Variants in RGS6 observed in about 807,000 individuals in gnomAD.
RGS6 encodes regulator of G protein signaling 6.
Under a neutral mutation model 78.5 loss-of-function variants are expected in RGS6, and 30 were observed. The observed-to-expected ratio is 0.38, with a 90% CI of 0.29 to 0.52. The LOEUF (loss-of-function observed/expected upper bound fraction) is 0.52, where lower values mean the gene tolerates loss of function less well. Ranked by LOEUF, RGS6 falls within the 20% of genes least tolerant of loss-of-function variation. RGS6 has a pLI of 0.85. For missense variants in RGS6, 495 were observed against 609.7 expected, an observed-to-expected ratio of 0.81 and a Z score of 1.98; for synonymous variants, 206 against 206.0, an observed-to-expected ratio of 1.00 and a Z score of 0.00.
intron 2 of RGS6, among the ~76,000 whole-genome samples, chr14:72,215,008 G>A (rs2045211989): frequency 6.6e-6 from 1 of 152,114 alleles, no homozygotes; most frequent in African/African-American, 2.4e-5. Context: ...TCTATTTTCT[G>A]GTCTATGACT....
At chr14:71,901,387 A>G in the RGS6 span, among the ~76,000 whole-genome samples, 1 of 152,210 alleles carries the variant, frequency 6.6e-6, no homozygotes, top group Non-Finnish European at 1.5e-5. Context: ...TAAGCATTTT[A>G]TACAATGCTG....
At chr14:72,479,161 T>C (rs980179907) in intron 12 of RGS6, among the ~76,000 whole-genome samples, 1 of 152,146 alleles carries the variant, frequency 6.6e-6, no homozygotes, top group Non-Finnish European at 1.5e-5. Flanking sequence ...GTGAGAGCCA[T>C]CTATAAGCCT....
At chr14:72,242,761 G>A (rs2153827335) in intron 2 of RGS6, among the ~76,000 whole-genome samples, 1 of 151,612 alleles carries the variant, frequency 6.6e-6, no homozygotes, top group South Asian at 2.1e-4. Context: ...TATGGACAAG[G>A]GTGAATAGTA....
chr14:72,003,269 C>A (rs2083840412), intron 2 of RGS6, among the ~76,000 whole-genome samples: 1 of 152,202 alleles, frequency 6.6e-6, no homozygotes, highest in African/African-American at 2.4e-5. Context: ...ACATACTATA[C>A]AATCCACCCA....
intron 2 of RGS6, among the ~76,000 whole-genome samples, chr14:72,180,085 A>G (rs78934892): frequency 0.01 from 1,572 of 152,308 alleles, 33 homozygotes; most frequent in African/African-American, 0.036. Flanking sequence ...TTAAGAAGGA[A>G]GTTTGAGCCT....
At chr14:72,135,058 A>G (rs1457283200) in intron 2 of RGS6, among the ~76,000 whole-genome samples, 1 of 152,222 alleles carries the variant, frequency 6.6e-6, no homozygotes, top group Non-Finnish European at 1.5e-5. Flanking sequence ...AGTTCAACTG[A>G]CACATAAAAT....
chr14:72,322,266 A>G (rs2072297483), intron 2 of RGS6, among the ~76,000 whole-genome samples: 1 of 152,078 alleles, frequency 6.6e-6, no homozygotes, highest in Admixed American at 6.5e-5. Flanking sequence ...GCTCTTTATG[A>G]AAAATCAATA....
intron 2 of RGS6, among the ~76,000 whole-genome samples, chr14:71,979,073 G>A (rs1478758687): frequency 1.3e-5 from 2 of 151,644 alleles, no homozygotes; most frequent in East Asian, 3.9e-4. Context: ...AGTATTCTCT[G>A]ATGGTAGTTT....
chr14:72,056,249 G>A (rs1379825147), intron 2 of RGS6, among the ~76,000 whole-genome samples: 2 of 152,186 alleles, frequency 1.3e-5, no homozygotes, highest in Non-Finnish European at 2.9e-5. Context: ...CTCCCTAGGG[G>A]ACTAGCCTTT....
At chr14:72,464,899 A>C (rs550787871) in intron 6 of RGS6, among the ~76,000 whole-genome samples, 1 of 152,334 alleles carries the variant, frequency 6.6e-6, no homozygotes, top group Non-Finnish European at 1.5e-5. Context: ...TGAGCAGGAC[A>C]TAGCCTCTGC....
intron 2 of RGS6, among the ~76,000 whole-genome samples, chr14:72,141,780 A>G (rs995932408): frequency 6.6e-6 from 1 of 151,996 alleles, no homozygotes; most frequent in African/African-American, 2.4e-5. Flanking sequence ...ATCTCTGTAT[A>G]TTCCCTCTTA....
the RGS6 span, among the ~76,000 whole-genome samples, chr14:71,871,659 G>GTCC: frequency 2.0e-5 from 3 of 152,048 alleles, no homozygotes; most frequent in African/African-American, 7.2e-5. Context: ...GTGCCTTGAG[G>GTCC]TCCTCCCTGA....
intron 2 of RGS6, among the ~76,000 whole-genome samples, chr14:71,980,873 A>C (rs2094415342): frequency 1.0e-5 from 1 of 97,616 alleles, no homozygotes; most frequent in African/African-American, 3.7e-5. Flanking sequence ...ACTTGGTTCC[A>C]TTCTCCCCAT....
chr14:71,907,201 A>G, the RGS6 span, among the ~76,000 whole-genome samples: 1 of 152,236 alleles, frequency 6.6e-6, no homozygotes, highest in Non-Finnish European at 1.5e-5. Flanking sequence ...TCAGTTAATC[A>G]TTAAATAAAT....
chr14:72,103,926 G>T (rs1375657215), intron 2 of RGS6, among the ~76,000 whole-genome samples: 2 of 152,186 alleles, frequency 1.3e-5, no homozygotes, highest in African/African-American at 2.4e-5. Context: ...CTTGGTCGAG[G>T]ATATTAACTA....
At chr14:72,365,216 C>A (rs1331609960) in intron 3 of RGS6, among the ~76,000 whole-genome samples, 2 of 151,988 alleles carry the variant, frequency 1.3e-5, no homozygotes, top group Non-Finnish European at 2.9e-5. Context: ...AATGTACTTG[C>A]CAAAAAAGTC....
intron 17 of RGS6, chr14:72,541,227 A>G (rs1297707027): frequency 2.1e-6 from 3 of 1,426,228 alleles, no homozygotes; most frequent in African/African-American, 1.4e-5. Context: ...AAACCTGACT[A>G]CTGTGTGACT....
intron 2 of RGS6, among the ~76,000 whole-genome samples, chr14:72,277,111 T>G (rs1288268692): frequency 6.6e-6 from 1 of 152,222 alleles, no homozygotes; most frequent in Non-Finnish European, 1.5e-5. Flanking sequence ...CAGAGTCCAC[T>G]TTCTCTCAAC....
At chr14:72,302,450 CAG>C (rs1454695412) in intron 2 of RGS6, among the ~76,000 whole-genome samples, 2 of 152,220 alleles carry the variant, frequency 1.3e-5, no homozygotes, top group Non-Finnish European at 2.9e-5. Context: ...AAGGAGAACT[CAG>C]GGCAAAGTCT....
Sources: allele counts gnomAD v4.1 joint callset (sites outside exome capture counted in the v4.1 genomes callset), GRCh38; gene constraint gnomAD v4.1.1; transcripts MANE v1.5; gene names NCBI Gene and HGNC (gene_info 2026-07-23, HGNC 2026-07-21).